PNLIP: variants seen among roughly 807,000 people sequenced by gnomAD.
The protein encoded by PNLIP is pancreatic lipase.
Under a neutral mutation model 57.1 loss-of-function variants are expected in PNLIP, and 49 were observed. That is an observed-to-expected ratio of 0.86 (90% CI 0.68 to 1.09). The LOEUF is 1.09. Among genes scored for constraint, PNLIP ranks in the 50% least tolerant of loss-of-function variants. The probability of loss-of-function intolerance (pLI) is 0.00; values close to 1 mark genes in which losing one functional copy is unlikely to be tolerated. For synonymous variants in PNLIP, 209 were observed against 200.4 expected (o/e 1.04, Z -0.36); for missense variants, 503 against 570.2 (o/e 0.88, Z 1.20).
At chr10:116,552,945 T>C (rs901170111) in intron 5 of PNLIP, among the ~76,000 whole-genome samples, 4 of 152,098 alleles carry the variant, frequency 2.6e-5, no homozygotes, top group Non-Finnish European at 5.9e-5. Context: ...TTAAATGAAC[T>C]GAGTGTAGAG....
intron 3 of PNLIP, among the ~76,000 whole-genome samples, chr10:116,547,725 C>CAAAAAAAAAAAAA (rs569977938): frequency 4.2e-5 from 2 of 47,242 alleles, no homozygotes; most frequent in African/African-American, 1.6e-4. Context: ...GACTCCATCT[C>CAAAAAAAAAAAAA]AAAAAAAAAA....
chr10:116,558,459 G>T (rs1388039351), intron 9 of PNLIP, among the ~76,000 whole-genome samples: 1 of 151,964 alleles, frequency 6.6e-6, no homozygotes, highest in Non-Finnish European at 1.5e-5. Flanking sequence ...CTCCCAAAGT[G>T]CTGGGATTAC....
At chr10:116,558,282 C>T (rs1366297485) in intron 9 of PNLIP, among the ~76,000 whole-genome samples, 1 of 151,378 alleles carries the variant, frequency 6.6e-6, no homozygotes, top group African/African-American at 2.4e-5. Flanking sequence ...ACTGCAAGCT[C>T]CACCTCTTGG....
At chr10:116,555,871 G>A (rs1302661263) in intron 8 of PNLIP, 129 bp from the exon 9 acceptor site, 3 of 669,358 alleles carry the variant, frequency 4.5e-6, no homozygotes, top group African/African-American at 1.8e-5. Flanking sequence ...CTTTACAAAT[G>A]ACTTTGTTCT....
chr10:116,556,743 T>C (rs1024938347), intron 9 of PNLIP, among the ~76,000 whole-genome samples: 1 of 151,946 alleles, frequency 6.6e-6, no homozygotes, highest in African/African-American at 2.4e-5. Context: ...TTTTTTTTTA[T>C]AAAATTGACT....
chr10:116,564,680 G>T (rs1847345639), intron 12 of PNLIP, among the ~76,000 whole-genome samples: 1 of 152,022 alleles, frequency 6.6e-6, no homozygotes, highest in Admixed American at 6.6e-5. Flanking sequence ...AAAAAATAAT[G>T]ACAGTATTTT....
rs1847220800 is a variant in PNLIP at position 116,553,760 on chromosome 10, G to A, written c.493G>A (p.Val165Ile). ...AFGYSPSNVHVIGHSLGAHAA... is the reference protein window; with the variant it reads ...AFGYSPSNVHIIGHSLGAHAA... ...CGGTTACTCACCTTCCAATGTGCAT[G>A]TCATTGGCCACAGCCTGGGTGCCCA... The change falls in exon 6 of 13, where the codon GTC becomes ATC. Residue 165 changes from valine to isoleucine, a missense_variant. Coordinates refer to ENST00000369221, the MANE Select transcript of PNLIP (RefSeq NM_000936.4). 2 of 1,613,078 alleles carry A rather than the reference G, an allele frequency of 1.2e-6. No homozygotes were observed. Among genetic ancestry groups the A allele is most frequent in the Non-Finnish European group, 1.7e-6 (2 of 1,179,330 alleles).
intron 12 of PNLIP, among the ~76,000 whole-genome samples, chr10:116,563,312 A>G (rs1020122634): frequency 6.6e-6 from 1 of 152,216 alleles, no homozygotes; most frequent in Non-Finnish European, 1.5e-5. Flanking sequence ...GAAATGTTCC[A>G]ATAAGCATTT....
At chr10:116,547,233 G>A in intron 2 of PNLIP, 61 bp from the exon 3 acceptor site, 1 of 1,506,224 alleles carries the variant, frequency 6.6e-7, no homozygotes, top group Non-Finnish European at 9.2e-7. Flanking sequence ...CTCATATATT[G>A]GCAGACAGAT....
intron 5 of PNLIP, 26 bp downstream of exon 5, chr10:116,551,258 G>A: frequency 6.9e-7 from 1 of 1,453,632 alleles, no homozygotes; most frequent in South Asian, 1.3e-5. Context: ...TTGCATAAAA[G>A]CCTGTACACA....
At chr10:116,550,578 T>C (rs988692229) in intron 4 of PNLIP, among the ~76,000 whole-genome samples, 76 of 152,220 alleles carry the variant, frequency 5.0e-4, no homozygotes, top group African/African-American at 1.7e-3. Flanking sequence ...TTAGTCTTTC[T>C]ATTGTGGAAA....
intron 6 of PNLIP, 62 bp downstream of exon 6, chr10:116,553,900 A>T: frequency 1.1e-6 from 1 of 932,440 alleles, no homozygotes; most frequent in South Asian, 1.5e-5. Context: ...TGAGGCCAGC[A>T]GTTTGAGGCC....
At chr10:116,558,463 G>A (rs1047811048) in intron 9 of PNLIP, among the ~76,000 whole-genome samples, 4 of 151,768 alleles carry the variant, frequency 2.6e-5, no homozygotes, top group Non-Finnish European at 5.9e-5. Flanking sequence ...CAAAGTGCTG[G>A]GATTACAGGT....
rs371192522 is a variant in PNLIP at position 116,553,851 on chromosome 10, A to G, written c.571+13A>G. The G allele has an allele frequency of 5.9e-6, 9 of 1,514,232 alleles. No individual in the cohort carries two copies. In the Admixed American group the frequency reaches 8.5e-5, roughly 14 times the overall value. 93.8% of individuals were successfully genotyped at this position (1,514,232 alleles called of 1,614,324 possible). A position where few individuals can be genotyped will look rare whatever the true frequency, so the allele number is the denominator to read the frequency against. Reference sequence around the variant, plus strand: ...GGACGCATCACAGGTTGGTGAAAACAGTGAAAGATACCAGGGGGGTTGAGG... The same window carrying G: ...GGACGCATCACAGGTTGGTGAAAACGGTGAAAGATACCAGGGGGGTTGAGG... On this transcript the variant is annotated intron_variant, in intron 6 of 12. Coordinates refer to ENST00000369221, the MANE Select transcript of PNLIP (RefSeq NM_000936.4).
chr10:116,550,460 G>A (rs1424067179), intron 4 of PNLIP, among the ~76,000 whole-genome samples: 2 of 151,790 alleles, frequency 1.3e-5, no homozygotes, highest in East Asian at 1.9e-4. Flanking sequence ...CTAATTAAAT[G>A]CCATCAAACA....
intron 12 of PNLIP, among the ~76,000 whole-genome samples, chr10:116,563,351 G>A (rs1847333783): frequency 6.6e-6 from 1 of 152,056 alleles, no homozygotes; most frequent in Non-Finnish European, 1.5e-5. Flanking sequence ...GCAATCAAAA[G>A]TTTCAAATTT....
At chr10:116,546,709 A>C (rs1430891783) in intron 2 of PNLIP, among the ~76,000 whole-genome samples, 1 of 152,226 alleles carries the variant, frequency 6.6e-6, no homozygotes, top group African/African-American at 2.4e-5. Context: ...TACTCCTACC[A>C]TTAATCTAGA....
At chr10:116,555,066 T>C (rs1847237555) in intron 6 of PNLIP, 112 bp from the exon 7 acceptor site, 1 of 1,189,792 alleles carries the variant, frequency 8.4e-7, no homozygotes, top group Non-Finnish European at 1.2e-6. Flanking sequence ...CTTCAGCAAA[T>C]GGTCAGGTAA....
chr10:116,561,716 G>A, intron 12 of PNLIP, 80 bp downstream of exon 12: 1 of 1,275,708 alleles, frequency 7.8e-7, no homozygotes, highest in Non-Finnish European at 1.1e-6. Context: ...TCTAATTTAA[G>A]TGAAACCTCC....
Sources: allele counts gnomAD v4.1 joint callset (sites outside exome capture counted in the v4.1 genomes callset), GRCh38; gene constraint gnomAD v4.1.1; transcripts MANE v1.5; gene names NCBI Gene and HGNC (gene_info 2026-07-23, HGNC 2026-07-21).